SFMBT1: variants seen among roughly 807,000 people sequenced by gnomAD.
SFMBT1 encodes the protein scm-like with four MBT domains protein 1.
Under a neutral mutation model 108.7 loss-of-function variants are expected in SFMBT1, and 32 were observed. That is an observed-to-expected ratio of 0.29 (90% CI 0.22 to 0.40). The LOEUF (loss-of-function observed/expected upper bound fraction) is 0.40. SFMBT1 is among the 10% of genes least tolerant of loss of function. The probability of loss-of-function intolerance (pLI) is 1.00; values close to 1 mark genes in which losing one functional copy is unlikely to be tolerated. For synonymous variants in SFMBT1, 348 were observed against 369.5 expected (o/e 0.94, Z 0.67); for missense variants, 816 against 1,059.6 (o/e 0.77, Z 3.19).
rs375232357 is a variant in SFMBT1, at chr3:52,929,241, T to C, written c.898-900A>G. On this transcript the variant is annotated intron_variant, in intron 8 of 20. Transcript: ENST00000394752. The stretch of plus-strand genomic sequence containing the variant: ...TTCAAATGCCAAAGAACGAACTTTA[T>C]TTATTTATTTATTTAGAGACGGAGT... 3.3e-5 allele frequency among the ~76,000 whole-genome samples: 5 copies of C among 152,256 alleles called. No individual in the cohort carries two copies. The East Asian group carries it at 9.7e-4, about 29-fold the overall frequency.
chr3:52,983,831 G>T (rs1704809685), intron 1 of SFMBT1, among the ~76,000 whole-genome samples: 1 of 152,224 alleles, frequency 6.6e-6, no homozygotes, highest in Admixed American at 6.5e-5. Context: ...GAACTTGCAG[G>T]CTGCTGTGAA....
In SFMBT1 at chr3:52,912,527, A is replaced by C. The variant is rs778283181; in HGVS notation, c.1730+11T>G. On this transcript the variant is annotated intron_variant, in intron 16 of 20. Transcript: ENST00000394752. The stretch of plus-strand genomic sequence containing the variant: ...GTAAAAGTAAAGAGTAAAAACAAGT[A>C]GTCCACTCACTTGGCTTTTAGGACT... The C allele has an allele frequency of 4.9e-5, 79 of 1,603,346 alleles. No individual in the cohort carries two copies. In the Middle Eastern group the frequency reaches 6.6e-4, roughly 13 times the overall value.
intron 1 of SFMBT1, among the ~76,000 whole-genome samples, chr3:52,997,642 A>G (rs984427895): frequency 6.6e-6 from 1 of 150,664 alleles, no homozygotes; most frequent in Admixed American, 6.7e-5. Flanking sequence ...AACATGCCAG[A>G]CACAAAAGAC....
chr3:52,997,322 G>T (rs939797797), intron 1 of SFMBT1, among the ~76,000 whole-genome samples: 1 of 149,858 alleles, frequency 6.7e-6, no homozygotes, highest in African/African-American at 2.4e-5. Flanking sequence ...CGGATCACGA[G>T]GTCAGGAGAT....
At position 53,023,954 on chromosome 3, in the gene SFMBT1, A is replaced by G. The variant is rs1434824084; in HGVS notation, c.-131+21862T>C. 3.9e-5 allele frequency among the ~76,000 whole-genome samples: 6 copies of G among 152,344 alleles called. No homozygotes were observed. In the East Asian group the frequency reaches 9.6e-4, roughly 24 times the overall value. On this transcript the variant is annotated intron_variant, in intron 1 of 20. Coordinates refer to ENST00000394752, the MANE Select transcript of SFMBT1 (RefSeq NM_016329.4). ...TCATCCATTCATTCAACAAATTCTT[A>G]GTGAGCAACTACTATGGACCAGATG...
chr3:52,998,687 G>A (rs754083632), intron 1 of SFMBT1, among the ~76,000 whole-genome samples: 1 of 150,622 alleles, frequency 6.6e-6, no homozygotes, highest in Non-Finnish European at 1.5e-5. Context: ...TCTGCTCCTC[G>A]CCATCTCGGC....
chr3:52,988,158 G>A (rs544775983), intron 1 of SFMBT1, among the ~76,000 whole-genome samples: 10 of 152,198 alleles, frequency 6.6e-5, no homozygotes, highest in Non-Finnish European at 1.3e-4. Context: ...ACTTTAACTC[G>A]TGATTATAAG....
At chr3:52,976,528 T>A (rs1704525286) in intron 1 of SFMBT1, among the ~76,000 whole-genome samples, 1 of 151,956 alleles carries the variant, frequency 6.6e-6, no homozygotes, top group Non-Finnish European at 1.5e-5. Flanking sequence ...TCCAAAGAAA[T>A]TAAAAGAAAA....
chr3:52,938,619 T>C (rs1167543933), intron 4 of SFMBT1, among the ~76,000 whole-genome samples: 2 of 143,212 alleles, frequency 1.4e-5, no homozygotes, highest in Non-Finnish European at 3.0e-5. Context: ...TAAATAGTTA[T>C]ATTACATGGC....
chr3:52,996,988 G>T lies in SFMBT1; in HGVS notation c.-130-27730C>A, dbSNP rs1465303351. Among the ~76,000 whole-genome samples the T allele has an allele frequency of 2.0e-5, 3 of 149,860 alleles. 1 individual carries two copies. The highest frequency in any genetic ancestry group is 3.0e-5 in the Non-Finnish European group (2 of 66,916). Reference sequence around the variant, plus strand: ...GGAGGCTGAGGCAGAAGAATAGCTTGAACCTGGGAGGCGGAGCCTGCAGTG... The same window carrying T: ...GGAGGCTGAGGCAGAAGAATAGCTTTAACCTGGGAGGCGGAGCCTGCAGTG... On this transcript the variant is annotated intron_variant, in intron 1 of 20. Coordinates refer to ENST00000394752, the MANE Select transcript of SFMBT1 (RefSeq NM_016329.4).
At chr3:53,003,820 T>C (rs1698643644) in intron 1 of SFMBT1, among the ~76,000 whole-genome samples, 1 of 148,512 alleles carries the variant, frequency 6.7e-6, no homozygotes, top group Non-Finnish European at 1.5e-5. Flanking sequence ...GTGATTCCCA[T>C]GACTAATATC....
At chr3:52,952,992 G>A (rs939785899) in intron 3 of SFMBT1, among the ~76,000 whole-genome samples, 3 of 152,182 alleles carry the variant, frequency 2.0e-5, no homozygotes, top group Admixed American at 1.3e-4. Context: ...CCAGAAAGCA[G>A]CTACACACCT....
intron 5 of SFMBT1, among the ~76,000 whole-genome samples, chr3:52,933,857 C>T (rs1181159264): frequency 1.3e-5 from 2 of 151,744 alleles, no homozygotes; most frequent in Admixed American, 6.6e-5. Context: ...ACCAAAAGCA[C>T]AAGCAACAAA....
At chr3:52,972,917 G>T (rs1346308822) in intron 1 of SFMBT1, among the ~76,000 whole-genome samples, 2 of 151,980 alleles carry the variant, frequency 1.3e-5, no homozygotes, top group Non-Finnish European at 1.5e-5. Flanking sequence ...CCAGCTATTT[G>T]GGAGGCTCAG....
chr3:52,964,164 T>C (rs1704055246), intron 2 of SFMBT1, among the ~76,000 whole-genome samples: 2 of 152,226 alleles, frequency 1.3e-5, no homozygotes, highest in Admixed American at 6.5e-5. Context: ...CTTTTAAATT[T>C]ACATTGTAAG....
At chr3:52,906,285 A>G in intron 19 of SFMBT1, 44 bp from the exon 20 acceptor site, 1 of 1,612,662 alleles carries the variant, frequency 6.2e-7, no homozygotes, top group Non-Finnish European at 8.5e-7. Context: ...TGTTACGGCT[A>G]TTTTATTCTA....
At chr3:52,995,803 A>C (rs1179790963) in intron 1 of SFMBT1, among the ~76,000 whole-genome samples, 1 of 149,840 alleles carries the variant, frequency 6.7e-6, no homozygotes, top group Non-Finnish European at 1.5e-5. Context: ...GCCACCCCCC[A>C]GCTCACGCCT....
chr3:53,039,065 C>T (rs56835905), intron 1 of SFMBT1, among the ~76,000 whole-genome samples: 6,907 of 152,244 alleles, frequency 0.045, 448 homozygotes, highest in South Asian at 0.18. Flanking sequence ...CTTTTATGTT[C>T]TCCTTGTCTT....
At chr3:52,927,626 A>AT (rs1393168859) in intron 9 of SFMBT1, among the ~76,000 whole-genome samples, 2 of 152,248 alleles carry the variant, frequency 1.3e-5, no homozygotes, top group African/African-American at 2.4e-5. Flanking sequence ...AAGGGCCTTG[A>AT]TTAAAGGATC....
Sources: gnomAD v4.1 joint callset for allele counts (sites outside exome capture counted in the v4.1 genomes callset) on GRCh38, gnomAD v4.1.1 for gene constraint, MANE v1.5 for transcripts, NCBI Gene and HGNC (gene_info 2026-07-23, HGNC 2026-07-21) for gene names.